The following CTNND2 variants were observed in gnomAD, a reference collection of about 807,000 sequenced individuals.
CTNND2 encodes catenin delta-2.
In CTNND2, 22 loss-of-function variants were observed where a neutral mutation model predicts 144.4. The ratio of observed to expected loss-of-function variants is 0.15; its 90% confidence interval spans 0.11 to 0.22. The LOEUF (loss-of-function observed/expected upper bound fraction) is 0.22. CTNND2 is among the 10% of genes least tolerant of loss of function. The pLI, the probability that CTNND2 is intolerant of heterozygous loss-of-function variation, is 1.00. For synonymous variants in CTNND2, 751 were observed against 695.6 expected (o/e 1.08, Z -1.25); for missense variants, 1,353 against 1,618.8 (o/e 0.84, Z 2.82).
intron 16 of CTNND2, among the ~76,000 whole-genome samples, chr5:11,045,129 C>T (rs1205372898): frequency 6.6e-6 from 1 of 152,204 alleles, no homozygotes; most frequent in Non-Finnish European, 1.5e-5. Flanking sequence ...TCTGGTGGCT[C>T]CTGACATTTA....
At chr5:11,750,418 A>G (rs1169869104) in intron 1 of CTNND2, among the ~76,000 whole-genome samples, 1 of 151,846 alleles carries the variant, frequency 6.6e-6, no homozygotes, top group Non-Finnish European at 1.5e-5. Context: ...TGAGTGATTA[A>G]CTAGACTGCT....
chr5:11,104,478 T>C (rs1277342922), intron 14 of CTNND2, among the ~76,000 whole-genome samples: 1 of 152,172 alleles, frequency 6.6e-6, no homozygotes. Flanking sequence ...CTGCCACTCT[T>C]GCTTGGCTTG....
At chr5:11,376,442 A>G (rs1024146605) in intron 7 of CTNND2, among the ~76,000 whole-genome samples, 3 of 151,540 alleles carry the variant, frequency 2.0e-5, no homozygotes, top group Admixed American at 6.6e-5. Flanking sequence ...ACTCTTTCCA[A>G]TTCCTCAGTA....
chr5:11,763,616 T>C (rs1454478497), intron 1 of CTNND2, among the ~76,000 whole-genome samples: 1 of 152,222 alleles, frequency 6.6e-6, no homozygotes, highest in African/African-American at 2.4e-5. Context: ...AATAGAGAAT[T>C]CAGAGGAAAT....
chr5:11,110,725 A>C (rs531684222), intron 14 of CTNND2, 133 bp downstream of exon 14: 1 of 812,560 alleles, frequency 1.2e-6, no homozygotes, highest in Non-Finnish European at 1.9e-6. Flanking sequence ...TTCCCACAGG[A>C]AAATTGTGCA....
intron 18 of CTNND2, among the ~76,000 whole-genome samples, chr5:11,000,174 G>A (rs1323659600): frequency 6.6e-6 from 1 of 152,186 alleles, no homozygotes; most frequent in African/African-American, 2.4e-5. Context: ...GCTTTCATTC[G>A]GACTGGTCTA....
chr5:11,564,876 G>T, intron 3 of CTNND2, 68 bp downstream of exon 3: 1 of 1,077,008 alleles, frequency 9.3e-7, no homozygotes, highest in East Asian at 2.5e-5. Flanking sequence ...TTGGAAAGAA[G>T]AGAAACATCA....
chr5:11,050,059 A>G (rs77859847), intron 16 of CTNND2, among the ~76,000 whole-genome samples: 9,844 of 152,248 alleles, frequency 0.065, 414 homozygotes, highest in South Asian at 0.15. Context: ...ACTTGTTTTT[A>G]ATGTGGTTTA....
intron 9 of CTNND2, among the ~76,000 whole-genome samples, chr5:11,321,082 C>A (rs1048168261): frequency 6.6e-6 from 1 of 152,004 alleles, no homozygotes. Context: ...TTCTAAAGAC[C>A]AGTTTTATCA....
chr5:11,018,167 G>A (rs1741829223), intron 17 of CTNND2, 109 bp from the exon 18 acceptor site: 1 of 740,720 alleles, frequency 1.4e-6, no homozygotes, highest in East Asian at 2.8e-5. Context: ...ATCTATTATG[G>A]TGATCTATGA....
At chr5:11,051,014 G>A (rs114848928) in intron 16 of CTNND2, among the ~76,000 whole-genome samples, 2,801 of 152,236 alleles carry the variant, frequency 0.018, 94 homozygotes, top group African/African-American at 0.063. Context: ...ATAATGGCCA[G>A]CCCCCTTGCT....
chr5:11,463,697 A>T (rs1289750179), intron 3 of CTNND2, among the ~76,000 whole-genome samples: 1 of 151,652 alleles, frequency 6.6e-6, no homozygotes, highest in East Asian at 1.9e-4. Context: ...AAAAAAAAAA[A>T]CTTTAAGGAT....
rs150189586 is a variant in CTNND2 at position 11,877,193 on chromosome 5, G to A, written c.37+26624C>T. 4.1e-3 allele frequency among the ~76,000 whole-genome samples: 626 copies of A among 152,086 alleles called. 2 individuals carry two copies. The highest frequency in any genetic ancestry group is 0.012 in the African/African-American group (490 of 41,524). On this transcript the variant is annotated intron_variant, in intron 1 of 21. Transcript: ENST00000304623. ...ATTAAGTCTGATATTGAAATGTATC[G>A]TTTTTAAATGTGAAATATGCATATT...
chr5:11,340,604 A>C (rs1754157326), intron 9 of CTNND2, among the ~76,000 whole-genome samples: 1 of 152,226 alleles, frequency 6.6e-6, no homozygotes, highest in Non-Finnish European at 1.5e-5. Context: ...CAAATAATGG[A>C]ATCACTCTAC....
At chr5:11,852,685 T>C (rs1028935346) in intron 1 of CTNND2, among the ~76,000 whole-genome samples, 1 of 152,202 alleles carries the variant, frequency 6.6e-6, no homozygotes, top group Non-Finnish European at 1.5e-5. Flanking sequence ...AACAGTCTCC[T>C]AGATCCTGGA....
intron 1 of CTNND2, among the ~76,000 whole-genome samples, chr5:11,810,651 T>C (rs529747092): frequency 1.3e-5 from 2 of 152,344 alleles, no homozygotes; most frequent in South Asian, 2.1e-4. Context: ...TTGTTTCTAA[T>C]GCTTATTATA....
In CTNND2 at chr5:11,084,634, T is replaced by C. The variant is rs148807699; in HGVS notation, c.2638-1788A>G. Among the ~76,000 whole-genome samples, 751 of 152,272 alleles carry C rather than the reference T, an allele frequency of 4.9e-3. 8 individuals are homozygous for C. The highest frequency in any genetic ancestry group is 4.7e-3 in the Non-Finnish European group (323 of 68,020). On this transcript the variant is annotated intron_variant, in intron 15 of 21. Transcript: ENST00000304623. ...ACTCCTGGCAACTTAGGCAGGCTGA[T>C]GCAAGTGCCCTCAGCCTGGTGGGGA... is the stretch of plus-strand genomic sequence containing the variant.
At chr5:11,286,239 TA>T (rs921103866) in intron 9 of CTNND2, among the ~76,000 whole-genome samples, 9 of 150,704 alleles carry the variant, frequency 6.0e-5, no homozygotes, top group East Asian at 1.9e-4. Context: ...AATTTATAAG[TA>T]AAAAAAAAGA....
chr5:11,272,522 CAA>C (rs1431760027), intron 9 of CTNND2, among the ~76,000 whole-genome samples: 1 of 152,150 alleles, frequency 6.6e-6, no homozygotes, highest in Non-Finnish European at 1.5e-5. Context: ...AAACAAAACC[CAA>C]TTTTTCCTTA....
Sources: allele counts gnomAD v4.1 joint callset (sites outside exome capture counted in the v4.1 genomes callset), GRCh38; gene constraint gnomAD v4.1.1; transcripts MANE v1.5; gene names NCBI Gene and HGNC (gene_info 2026-07-23, HGNC 2026-07-21).